SDK1: variants seen among roughly 807,000 people sequenced by gnomAD.
SDK1 encodes sidekick cell adhesion molecule 1.
A neutral mutation model predicts 245.5 loss-of-function variants in SDK1; 157 were observed. That is an observed-to-expected ratio of 0.64 (90% CI 0.56 to 0.73). The LOEUF (loss-of-function observed/expected upper bound fraction) is 0.73. SDK1 is among the 30% of genes least tolerant of loss of function. The pLI is 0.00. For synonymous variants in SDK1, 1,647 were observed against 1,278.5 expected (o/e 1.29, Z -6.15); for missense variants, 3,583 against 3,002.3 (o/e 1.19, Z -4.52).
chr7:4,107,201 C>T (rs1042323952), intron 22 of SDK1, among the ~76,000 whole-genome samples: 3 of 150,394 alleles, frequency 2.0e-5, no homozygotes, highest in African/African-American at 7.3e-5. Flanking sequence ...GACCTGGAGT[C>T]GCTTAGCAAA....
chr7:3,363,241 C>CT (rs1475767484), intron 1 of SDK1, among the ~76,000 whole-genome samples: 5 of 152,098 alleles, frequency 3.3e-5, no homozygotes, highest in Admixed American at 2.6e-4. Context: ...GGATATTGCT[C>CT]TTTTTTCATT....
Position 3,397,951 on chromosome 7 carries a change from G to C in SDK1, c.298+96067G>C, listed in dbSNP as rs537223129. On this transcript the variant is annotated intron_variant, in intron 1 of 44. Coordinates refer to ENST00000404826, the MANE Select transcript of SDK1 (RefSeq NM_152744.4). ...CTTGCTTTGCCCCTTCAGATTGTGT[G>C]TTTTCTTGCCTTTCAGCATGCCTTG... Among the ~76,000 whole-genome samples, 3 of 152,156 alleles carry C rather than the reference G, an allele frequency of 2.0e-5. No individual in the cohort carries two copies. The South Asian group carries it at 6.2e-4, about 32-fold the overall frequency.
At chr7:4,177,534 A>G (rs147200244) in intron 34 of SDK1, among the ~76,000 whole-genome samples, 232 of 152,066 alleles carry the variant, frequency 1.5e-3, no homozygotes, top group African/African-American at 5.3e-3. Context: ...TCTACATTCT[A>G]TTTTCAATGC....
chr7:3,590,020 C>T (rs181447458), intron 1 of SDK1, among the ~76,000 whole-genome samples: 9 of 152,238 alleles, frequency 5.9e-5, no homozygotes, highest in African/African-American at 2.2e-4. Context: ...CCAGGATATA[C>T]GTGAGAGTTA....
chr7:3,473,840 A>G (rs1273160075), intron 1 of SDK1, among the ~76,000 whole-genome samples: 1 of 151,998 alleles, frequency 6.6e-6, no homozygotes, highest in Non-Finnish European at 1.5e-5. Context: ...TGGTCTGCCT[A>G]TATTTTTCTA....
At position 3,332,959 on chromosome 7, in the gene SDK1, G is replaced by C. The variant is rs113338148; in HGVS notation, c.298+31075G>C. Among the ~76,000 whole-genome samples the C allele has an allele frequency of 6.6e-5, 10 of 152,330 alleles. 1 individual carries two copies. The highest frequency in any genetic ancestry group is 2.4e-4 in the African/African-American group (10 of 41,564). ...GAATTGAAGGCTAAGTTGAGCCTGG[G>C]GAACGAGCCTCTTTGTCCAGAAAAG... On this transcript the variant is annotated intron_variant, in intron 1 of 44. Coordinates refer to ENST00000404826, the MANE Select transcript of SDK1 (RefSeq NM_152744.4).
chr7:4,228,715 T>C (rs946466400), intron 40 of SDK1, among the ~76,000 whole-genome samples: 2 of 152,188 alleles, frequency 1.3e-5, no homozygotes, highest in African/African-American at 4.8e-5. Flanking sequence ...AATTTTTGTA[T>C]TTTTAGTAGA....
rs73306113 is a variant in SDK1, at chr7:3,769,803, C to T, written c.714-51647C>T. 6.4e-3 allele frequency among the ~76,000 whole-genome samples: 966 copies of T among 152,008 alleles called. 10 individuals are homozygous for T. Among genetic ancestry groups the T allele is most frequent in the African/African-American group, 0.022 (898 of 41,470 alleles). On this transcript the variant is annotated intron_variant, in intron 4 of 44. Coordinates refer to ENST00000404826, the MANE Select transcript of SDK1 (RefSeq NM_152744.4). ...GCTGTTGGTGAGGGAAGGAAGGTAA[C>T]GTTCTTTGTTGCGATCTTCCTCCAG...
rs933618746 is a variant in SDK1 at position 3,942,245 on chromosome 7, C to A, written c.848-8678C>A. 2.6e-5 allele frequency among the ~76,000 whole-genome samples: 4 copies of A among 152,210 alleles called. No homozygotes were observed. The South Asian group carries it at 8.3e-4, about 32-fold the overall frequency. On this transcript the variant is annotated intron_variant, in intron 5 of 44. Coordinates refer to ENST00000404826, the MANE Select transcript of SDK1 (RefSeq NM_152744.4). ...CTCTCAGCAAGTGCTTATAGTCAGA[C>A]TGTTGTCATTTAGGCACTTTGCTGG... is the stretch of plus-strand genomic sequence containing the variant.
intron 1 of SDK1, among the ~76,000 whole-genome samples, chr7:3,442,332 G>T (rs1003370776): frequency 6.6e-6 from 1 of 152,194 alleles, no homozygotes; most frequent in Non-Finnish European, 1.5e-5. Flanking sequence ...TATGTGTCAG[G>T]TAGCTGGATC....
chr7:3,470,670 C>T (rs530252639), intron 1 of SDK1, among the ~76,000 whole-genome samples: 1 of 152,186 alleles, frequency 6.6e-6, no homozygotes, highest in South Asian at 2.1e-4. Context: ...AGTCTGATTT[C>T]TGAAATGAAT....
chr7:4,032,629 A>T (rs1006112470), intron 17 of SDK1, among the ~76,000 whole-genome samples: 8 of 152,252 alleles, frequency 5.3e-5, no homozygotes, highest in African/African-American at 1.9e-4. Flanking sequence ...GCAAACTAGC[A>T]AGCTATAAAA....
At chr7:3,595,938 CCTGT>C (rs1265368310) in intron 1 of SDK1, among the ~76,000 whole-genome samples, 19 of 145,548 alleles carry the variant, frequency 1.3e-4, no homozygotes, top group African/African-American at 4.6e-4. Context: ...GGTGTTTTAA[CCTGT>C]CTAATGGGTA....
intron 4 of SDK1, among the ~76,000 whole-genome samples, chr7:3,716,945 C>T (rs1251790534): frequency 1.3e-5 from 2 of 152,042 alleles, no homozygotes; most frequent in Admixed American, 1.3e-4. Context: ...AAATAAAATA[C>T]ACTACTTTTC....
intron 4 of SDK1, among the ~76,000 whole-genome samples, chr7:3,691,257 A>G (rs1365332930): frequency 6.6e-6 from 1 of 152,234 alleles, no homozygotes; most frequent in Non-Finnish European, 1.5e-5. Context: ...AGTTGTTATG[A>G]TTACCACAGA....
At chr7:3,768,975 A>G (rs1044526416) in intron 4 of SDK1, among the ~76,000 whole-genome samples, 3 of 152,330 alleles carry the variant, frequency 2.0e-5, no homozygotes, top group East Asian at 3.9e-4. Flanking sequence ...ACCAAAATCT[A>G]TAGGTGTGCC....
chr7:3,974,731 G>A (rs755292576), intron 13 of SDK1, 186 bp downstream of exon 13: 14 of 540,692 alleles, frequency 2.6e-5, no homozygotes, highest in East Asian at 2.1e-4. Context: ...TTTCAACTTC[G>A]GAATTGAGAA....
chr7:3,384,379 T>G (rs568044818), intron 1 of SDK1, among the ~76,000 whole-genome samples: 2 of 152,318 alleles, frequency 1.3e-5, no homozygotes, highest in Admixed American at 6.5e-5. Flanking sequence ...GAGTACTAAT[T>G]TTTTTCAGGG....
chr7:3,437,210 G>A (rs1306837255), intron 1 of SDK1, among the ~76,000 whole-genome samples: 2 of 152,060 alleles, frequency 1.3e-5, no homozygotes, highest in African/African-American at 4.8e-5. Context: ...CAAAAAATAT[G>A]TCTGAAAACC....
Sources: gnomAD v4.1 joint callset for allele counts (sites outside exome capture counted in the v4.1 genomes callset) on GRCh38, gnomAD v4.1.1 for gene constraint, MANE v1.5 for transcripts, NCBI Gene and HGNC (gene_info 2026-07-23, HGNC 2026-07-21) for gene names.